The following DLGAP5 variants were observed in gnomAD, a reference collection of about 807,000 sequenced individuals.
DLGAP5 encodes disks large-associated protein 5.
Under a neutral mutation model 99.6 loss-of-function variants are expected in DLGAP5, and 90 were observed. That is an observed-to-expected ratio of 0.90 (90% CI 0.76 to 1.08). The LOEUF (loss-of-function observed/expected upper bound fraction) is 1.08. Among genes scored for constraint, DLGAP5 ranks in the 50% least tolerant of loss-of-function variants. The pLI, the probability that DLGAP5 is intolerant of heterozygous loss-of-function variation, is 0.00. For synonymous variants in DLGAP5, 311 were observed against 321.3 expected (o/e 0.97, Z 0.34); for missense variants, 1,036 against 983.5 (o/e 1.05, Z -0.71).
chr14:55,188,982 T>C lies in DLGAP5; in HGVS notation c.198A>G (p.Thr66=). 6.2e-7 allele frequency: 1 copy of C among 1,613,782 alleles called. No individual in the cohort carries two copies. Among genetic ancestry groups the C allele is most frequent in the Non-Finnish European group, 8.5e-7 (1 of 1,179,942 alleles). The change falls in exon 2 of 19, where the codon ACA becomes ACG. Residue 66 remains threonine, a synonymous_variant. Coordinates refer to ENST00000247191, the MANE Select transcript of DLGAP5 (RefSeq NM_014750.5). ...EGRILVELDE[T]SQGLVPEKTN... is the part of the protein sequence containing the mutation. ...TCTTTTCTGGAACAAGCCCTTGAGA[T>C]GTCTCATCTAATTCAACAAGAATTC...
chr14:55,166,595 G>C (rs1221053905), intron 12 of DLGAP5, among the ~76,000 whole-genome samples: 1 of 151,958 alleles, frequency 6.6e-6, no homozygotes, highest in African/African-American at 2.4e-5. Context: ...CAGGCACGGT[G>C]GCACATGACT....
intron 10 of DLGAP5, among the ~76,000 whole-genome samples, chr14:55,174,032 G>T (rs917164769): frequency 1.3e-5 from 2 of 152,202 alleles, no homozygotes; most frequent in Non-Finnish European, 2.9e-5. Context: ...AACTCTGGCC[G>T]CCGGTGAGCC....
At chr14:55,154,315 C>G (rs1010379674) in intron 15 of DLGAP5, among the ~76,000 whole-genome samples, 6 of 152,196 alleles carry the variant, frequency 3.9e-5, no homozygotes, top group Non-Finnish European at 7.3e-5. Flanking sequence ...AGTCACAGAG[C>G]TCTTCTCAGC....
At chr14:55,164,826 GC>G (rs1882578797) in intron 12 of DLGAP5, among the ~76,000 whole-genome samples, 1 of 150,898 alleles carries the variant, frequency 6.6e-6, no homozygotes, top group African/African-American at 2.4e-5. Flanking sequence ...GGAGGCTGAG[GC>G]ATGAGAATTG....
rs745904593 is a variant in DLGAP5 at position 55,148,441 on chromosome 14, C to G, written c.2451G>C (p.Gln817His). The change falls in exon 19 of 19, where the codon CAG becomes CAC. Residue 817 changes from glutamine (Q) to histidine (H), a missense_variant. Coordinates refer to ENST00000247191, the MANE Select transcript of DLGAP5 (RefSeq NM_014750.5). ...CATGTTCTTGATGTCTCCTCTCCAG[C>G]TGAGTAAATGGATTACTGCAGTTTA... ...PGLNCSNPFTQLERRHQEHAR... is the reference protein window; with the variant it reads ...PGLNCSNPFTHLERRHQEHAR... The G allele has an allele frequency of 4.3e-6, 7 of 1,614,164 alleles. No individual in the cohort carries two copies. Among genetic ancestry groups the G allele is most frequent in the East Asian group, 4.5e-5 (2 of 44,876 alleles).
At chr14:55,163,848 TC>T (rs1414618715) in intron 12 of DLGAP5, among the ~76,000 whole-genome samples, 2 of 152,232 alleles carry the variant, frequency 1.3e-5, no homozygotes, top group Non-Finnish European at 2.9e-5. Context: ...ACTGTTCAGG[TC>T]TTTTGCCCAT....
At chr14:55,178,871 A>C (rs995288304) in intron 7 of DLGAP5, among the ~76,000 whole-genome samples, 2 of 151,944 alleles carry the variant, frequency 1.3e-5, no homozygotes, top group Non-Finnish European at 2.9e-5. Flanking sequence ...ACATGGTGAA[A>C]CCTCGTCTCT....
Position 55,189,039 on chromosome 14 carries a change from C to T in DLGAP5, c.141G>A (p.Leu47=), listed in dbSNP as rs575727322. 1.5e-5 allele frequency: 25 copies of T among 1,613,902 alleles called. No homozygotes were observed. The African/African-American group carries it at 3.1e-4, about 20-fold the overall frequency. Residue 47 remains leucine, a synonymous_variant, in exon 2 of 19, where the codon TTG becomes TTA. Coordinates refer to ENST00000247191, the MANE Select transcript of DLGAP5 (RefSeq NM_014750.5). ...CCAAGGTTGGAATGTTTACATCTTT[C>T]AAACCAAAGTGTCTATTTCGTTCGT... is the stretch of plus-strand genomic sequence containing the variant. ...KEYERNRHFG[L]KDVNIPTLEG...
At chr14:55,179,788 A>G (rs1883217161) in intron 6 of DLGAP5, 89 bp from the exon 7 acceptor site, 2 of 1,038,964 alleles carry the variant, frequency 1.9e-6, no homozygotes, top group Non-Finnish European at 2.9e-6. Flanking sequence ...AAGCAACAGT[A>G]GGAATATATG....
intron 10 of DLGAP5, among the ~76,000 whole-genome samples, chr14:55,171,098 T>C (rs1882842608): frequency 6.6e-6 from 1 of 152,232 alleles, no homozygotes; most frequent in African/African-American, 2.4e-5. Context: ...CAGACATTCC[T>C]AAATGTGCAT....
chr14:55,169,135 C>T (rs577112393), intron 12 of DLGAP5, among the ~76,000 whole-genome samples: 1 of 142,370 alleles, frequency 7.0e-6, no homozygotes, highest in East Asian at 2.1e-4. Context: ...GAGATCACAC[C>T]ACTGCACTCC....
chr14:55,152,495 A>G (rs1165869856), intron 16 of DLGAP5, 95 bp downstream of exon 16: 5 of 926,356 alleles, frequency 5.4e-6, no homozygotes, highest in African/African-American at 5.1e-5. Context: ...TAGATTTCCA[A>G]CGGAAATTCT....
At chr14:55,152,263 C>A (rs540613285) in intron 16 of DLGAP5, among the ~76,000 whole-genome samples, 14 of 152,326 alleles carry the variant, frequency 9.2e-5, no homozygotes, top group African/African-American at 3.1e-4. Context: ...CTCAACTCTA[C>A]CACTGTATTG....
Position 55,148,221 on chromosome 14 carries a change from G to A in DLGAP5, c.*130C>T, listed in dbSNP as rs1881887691. 6 of 934,354 alleles carry A rather than the reference G, an allele frequency of 6.4e-6. No individual in the cohort carries two copies. The highest frequency in any genetic ancestry group is 9.4e-6 in the Non-Finnish European group (6 of 638,930). 57.9% of individuals were successfully genotyped at this position (934,354 alleles called of 1,614,324 possible). A position where few individuals can be genotyped will look rare whatever the true frequency, so the allele number is the denominator to read the frequency against. On this transcript the variant is annotated 3_prime_UTR_variant, in exon 19 of 19. Transcript: ENST00000247191. ...GAGTATATCTAAAATACACTTTGAT[G>A]AACACAGAATATTAAAACATTATAT... is the stretch of plus-strand genomic sequence containing the variant.
At chr14:55,165,384 G>A (rs1019110357) in intron 12 of DLGAP5, among the ~76,000 whole-genome samples, 10 of 152,046 alleles carry the variant, frequency 6.6e-5, no homozygotes, top group African/African-American at 1.7e-4. Flanking sequence ...TTAGCCAGTC[G>A]TGGTGGCACA....
At chr14:55,150,761 C>T in intron 18 of DLGAP5, 38 bp downstream of exon 18, 1 of 1,462,834 alleles carries the variant, frequency 6.8e-7, no homozygotes, top group South Asian at 1.3e-5. Flanking sequence ...TAAAACAAAT[C>T]TAGAATATAA....
intron 8 of DLGAP5, among the ~76,000 whole-genome samples, chr14:55,176,850 C>T (rs535364223): frequency 2.6e-5 from 4 of 151,704 alleles, no homozygotes; most frequent in East Asian, 1.9e-4. Context: ...TGGTGACGGG[C>T]GCCTGTAGTC....
chr14:55,185,075 A>G (rs1452851492), intron 2 of DLGAP5, among the ~76,000 whole-genome samples: 1 of 152,206 alleles, frequency 6.6e-6, no homozygotes, highest in Non-Finnish European at 1.5e-5. Flanking sequence ...AATTGTTGCC[A>G]TTATGAAGTT....
chr14:55,162,618 CAA>C (rs368322756), intron 13 of DLGAP5, among the ~76,000 whole-genome samples: 4 of 138,966 alleles, frequency 2.9e-5, no homozygotes, highest in Admixed American at 7.3e-5. Flanking sequence ...GATTCCATCT[CAA>C]AAAAAAAAAA....
Sources: gnomAD v4.1 joint callset for allele counts (sites outside exome capture counted in the v4.1 genomes callset) on GRCh38, gnomAD v4.1.1 for gene constraint, MANE v1.5 for transcripts, NCBI Gene and HGNC (gene_info 2026-07-23, HGNC 2026-07-21) for gene names.